The following ANKRD28 variants were observed in gnomAD, a reference collection of about 807,000 sequenced individuals.
The protein encoded by ANKRD28 is serine/threonine-protein phosphatase 6 regulatory ankyrin repeat subunit A.
A neutral mutation model predicts 126.5 loss-of-function variants in ANKRD28; 44 were observed. The observed-to-expected ratio is 0.35, with a 90% CI of 0.27 to 0.45. The LOEUF (loss-of-function observed/expected upper bound fraction) is 0.45, where lower values mean the gene tolerates loss of function less well. ANKRD28 is among the 20% of genes least tolerant of loss of function. The pLI, the probability that ANKRD28 is intolerant of heterozygous loss-of-function variation, is 1.00. For synonymous variants in ANKRD28, 442 were observed against 468.5 expected, an observed-to-expected ratio of 0.94 and a Z score of 0.73; for missense variants, 1,110 against 1,316.6, an observed-to-expected ratio of 0.84 and a Z score of 2.43.
intron 6 of ANKRD28, among the ~76,000 whole-genome samples, chr3:15,724,935 C>T (rs1200130575): frequency 6.6e-6 from 1 of 152,116 alleles, no homozygotes; most frequent in Non-Finnish European, 1.5e-5. Flanking sequence ...GAGCTGTGAT[C>T]ATGCCACTGC....
chr3:15,821,402 G>A (rs901254777), intron 1 of ANKRD28, among the ~76,000 whole-genome samples: 2 of 152,134 alleles, frequency 1.3e-5, no homozygotes, highest in African/African-American at 4.8e-5. Context: ...ATGTAAAGAT[G>A]TACAATCCTT....
chr3:15,702,512 TTC>T lies in ANKRD28; in HGVS notation c.1547+5410_1547+5411del, dbSNP rs780956870. Among the ~76,000 whole-genome samples, 63 of 152,296 alleles carry T rather than the reference TTC, an allele frequency of 4.1e-4. No homozygotes were observed. In the Middle Eastern group the frequency reaches 0.01, roughly 25 times the overall value. On this transcript the variant is annotated intron_variant, in intron 14 of 27. Transcript: ENST00000683139. ...AAAAAATATTTAAGGCTAAACAATA[TTC>T]TGTTACAATTTTTTCCTCAATGTTA...
intron 2 of ANKRD28, among the ~76,000 whole-genome samples, chr3:15,779,958 C>T (rs567301710): frequency 2.0e-5 from 3 of 152,114 alleles, no homozygotes; most frequent in African/African-American, 4.8e-5. Flanking sequence ...AATGGCAGGC[C>T]CACAGCTAAC....
chr3:15,846,568 C>A lies in ANKRD28; in HGVS notation c.27+12809G>T, dbSNP rs1193813528. On this transcript the variant is annotated intron_variant, in intron 1 of 27. Transcript: ENST00000399451. The surrounding 1 kb of genome is among the most constrained non-coding windows in gnomAD (Gnocchi z 5.4). ...TACAAACAGTATAAACCAAGGGCAA[C>A]AGTTCCTAAATTCTGACCATTTTAT... Among the ~76,000 whole-genome samples, 1 of 152,244 alleles carries A rather than the reference C, an allele frequency of 6.6e-6. No individual in the cohort carries two copies. The highest frequency in any genetic ancestry group is 1.5e-5 in the Non-Finnish European group (1 of 68,034).
rs1408649607 is a variant in ANKRD28 at position 15,707,992 on chromosome 3, A to G, written c.1479T>C (p.Ser493=). 2 of 1,611,992 alleles carry G rather than the reference A, an allele frequency of 1.2e-6. No individual in the cohort carries two copies. Among genetic ancestry groups the G allele is most frequent in the Non-Finnish European group, 1.7e-6 (2 of 1,179,144 alleles). The change falls in exon 14 of 28, where the codon AGT becomes AGC. Residue 493 remains serine, a synonymous_variant. Transcript: ENST00000683139. ...CLFALVGSGA[S]VNDLDERGCT... ...AGCCTCTTTCATCAAGGTCATTCAC[A>G]CTTGCTCCTGATCCCACAAGAGCAA...
intron 2 of ANKRD28, among the ~76,000 whole-genome samples, chr3:15,773,955 G>A (rs1559508462): frequency 6.6e-6 from 1 of 152,108 alleles, no homozygotes; most frequent in Non-Finnish European, 1.5e-5. Flanking sequence ...AGGGAGGGTG[G>A]TATGAGAAAA....
At chr3:15,729,465 A>C (rs954814169) in intron 6 of ANKRD28, among the ~76,000 whole-genome samples, 2 of 152,214 alleles carry the variant, frequency 1.3e-5, no homozygotes, top group Admixed American at 1.3e-4. Flanking sequence ...GGAATCATTA[A>C]TTACTAACTC....
At position 15,670,206 on chromosome 3, in the gene ANKRD28, T is replaced by C; in HGVS notation, c.*64A>G. On this transcript the variant is annotated 3_prime_UTR_variant, in exon 28 of 28. Coordinates refer to ENST00000683139, the MANE Select transcript of ANKRD28 (RefSeq NM_001349278.2). ...TTGAATTTCTACGTGAATATCAAAG[T>C]GCCTTTTTCCTGAAAAAGCACAGTT... 3.3e-6 allele frequency: 5 copies of C among 1,532,724 alleles called. No individual in the cohort carries two copies. Among genetic ancestry groups the C allele is most frequent in the Non-Finnish European group, 4.4e-6 (5 of 1,129,016 alleles). 94.9% of individuals were successfully genotyped at this position (1,532,724 alleles called of 1,614,324 possible). A position where few individuals can be genotyped will look rare whatever the true frequency, so the allele number is the denominator to read the frequency against.
At chr3:15,706,524 A>T (rs2071440873) in intron 14 of ANKRD28, among the ~76,000 whole-genome samples, 1 of 152,284 alleles carries the variant, frequency 6.6e-6, no homozygotes, top group East Asian at 1.9e-4. Context: ...AGTCTTTGCT[A>T]TTGTGAATAG....
At chr3:15,719,239 C>T (rs989229099) in intron 8 of ANKRD28, among the ~76,000 whole-genome samples, 12 of 152,176 alleles carry the variant, frequency 7.9e-5, no homozygotes, top group African/African-American at 2.9e-4. Context: ...GCTGTTACAG[C>T]TGTCAGAATT....
Position 15,720,865 on chromosome 3 carries a change from T to TCA in ANKRD28, c.996+49_996+50insTG, listed in dbSNP as rs1247017649. On this transcript the variant is annotated intron_variant, in intron 8 of 27. Coordinates refer to ENST00000683139, the MANE Select transcript of ANKRD28 (RefSeq NM_001349278.2). The stretch of plus-strand genomic sequence containing the variant: ...TCAATGGTATTCACCATTGATGTTG[T>TCA]TTTAACAGTGACATATGAAATACTT... The TCA allele has an allele frequency of 8.5e-6, 13 of 1,538,002 alleles. No individual in the cohort carries two copies. The Admixed American group carries it at 2.4e-4, about 28-fold the overall frequency.
intron 1 of ANKRD28, among the ~76,000 whole-genome samples, chr3:15,826,068 G>T (rs1311297553): frequency 6.6e-6 from 1 of 152,020 alleles, no homozygotes; most frequent in Non-Finnish European, 1.5e-5. Context: ...CTATGACCCA[G>T]CAATTTTACC....
intron 27 of ANKRD28, among the ~76,000 whole-genome samples, chr3:15,673,694 CAG>C (rs2066610488): frequency 6.6e-6 from 1 of 152,050 alleles, no homozygotes; most frequent in Non-Finnish European, 1.5e-5. Context: ...AGATTTGAAA[CAG>C]GTGACGAATT....
chr3:15,677,098 TAAAG>T (rs1211060204), intron 25 of ANKRD28, 42 bp from the exon 26 acceptor site: 1 of 1,498,866 alleles, frequency 6.7e-7, no homozygotes, highest in Non-Finnish European at 9.3e-7. Context: ...TGAGCACCAT[TAAAG>T]ATACATTTAT....
chr3:15,698,323 C>G (rs534281583), intron 14 of ANKRD28, among the ~76,000 whole-genome samples: 1 of 152,270 alleles, frequency 6.6e-6, no homozygotes, highest in African/African-American at 2.4e-5. Flanking sequence ...CCTTTGAAAA[C>G]TGGCACAAGA....
At position 15,758,740 on chromosome 3, in the gene ANKRD28, A is replaced by G. The variant is rs75272960; in HGVS notation, c.281-6920T>C. 2.4e-3 allele frequency among the ~76,000 whole-genome samples: 361 copies of G among 152,276 alleles called. 2 individuals are homozygous for G. Among genetic ancestry groups the G allele is most frequent in the African/African-American group, 7.9e-3 (329 of 41,552 alleles). ...CAGAACTTTGAGTAAATAAATTTCT[A>G]TTGTTTAAGCCGCCCAGTTTGTAGT... On this transcript the variant is annotated intron_variant, in intron 3 of 27. Transcript: ENST00000683139.
At chr3:15,803,671 T>C (rs1343622996) in intron 1 of ANKRD28, among the ~76,000 whole-genome samples, 3 of 115,238 alleles carry the variant, frequency 2.6e-5, no homozygotes, top group South Asian at 3.4e-4. Context: ...GACATGTTAA[T>C]AGACTGGCTA....
At chr3:15,824,425 G>A (rs1310786636) in intron 1 of ANKRD28, among the ~76,000 whole-genome samples, 1 of 151,948 alleles carries the variant, frequency 6.6e-6, no homozygotes, top group Non-Finnish European at 1.5e-5. Flanking sequence ...CATAGTGCTG[G>A]GATTATAGGT....
intron 27 of ANKRD28, among the ~76,000 whole-genome samples, chr3:15,672,554 A>C (rs987072166): frequency 5.9e-5 from 9 of 152,126 alleles, no homozygotes; most frequent in African/African-American, 1.9e-4. Context: ...CCGTATTTTT[A>C]ATTAAATTTT....
Sources: gnomAD v4.1 joint callset for allele counts (sites outside exome capture counted in the v4.1 genomes callset) on GRCh38, gnomAD v4.1.1 for gene constraint, Gnocchi (gnomAD v3.1) non-coding constraint, MANE v1.5 for transcripts, NCBI Gene and HGNC (gene_info 2026-07-23, HGNC 2026-07-21) for gene names.